LRRC8D: variants seen among roughly 807,000 people sequenced by gnomAD.
The protein encoded by LRRC8D is leucine rich repeat containing 8 VRAC subunit D, also known as volume-regulated anion channel subunit LRRC8D.
In LRRC8D, 20 loss-of-function variants were observed where a neutral mutation model predicts 55.8. The ratio of observed to expected loss-of-function variants is 0.36; its 90% CI spans 0.25 to 0.52. The LOEUF (loss-of-function observed/expected upper bound fraction) is 0.52. Ranked by LOEUF, LRRC8D falls within the 20% of genes least tolerant of loss-of-function variation. LRRC8D has a pLI of 0.93. For synonymous variants in LRRC8D, 352 were observed against 377.0 expected (o/e 0.93, Z 0.77); for missense variants, 651 against 1,030.8 (o/e 0.63, Z 5.05).
chr1:89,845,853 C>T (rs1332145202), intron 2 of LRRC8D, among the ~76,000 whole-genome samples: 4 of 151,974 alleles, frequency 2.6e-5, no homozygotes, highest in African/African-American at 9.7e-5. Flanking sequence ...GCGATCTTGG[C>T]TTACCACAAC....
intron 2 of LRRC8D, among the ~76,000 whole-genome samples, chr1:89,880,297 T>C (rs1662250239): frequency 6.6e-6 from 1 of 151,538 alleles, no homozygotes; most frequent in Non-Finnish European, 1.5e-5. Flanking sequence ...AATTTGACTT[T>C]CCAGATTCAT....
intron 2 of LRRC8D, among the ~76,000 whole-genome samples, chr1:89,917,930 G>A (rs1663315263): frequency 6.6e-6 from 1 of 151,948 alleles, no homozygotes; most frequent in Non-Finnish European, 1.5e-5. Context: ...TACACAACTC[G>A]GTGAATATTT....
At position 89,908,873 on chromosome 1, in the gene LRRC8D, T is replaced by C. The variant is rs1663060548; in HGVS notation, c.-2-24194T>C. On this transcript the variant is annotated intron_variant, in intron 2 of 2. Coordinates refer to ENST00000337338, the MANE Select transcript of LRRC8D (RefSeq NM_001134479.2). ...AAGGATGATAAATCCAGCTGCTGCT[T>C]CCTGTTTCTATAATTTGGGGATTTA... Among the ~76,000 whole-genome samples, 4 of 152,186 alleles carry C rather than the reference T, an allele frequency of 2.6e-5. No homozygotes were observed. The South Asian group carries it at 6.2e-4, about 24-fold the overall frequency.
chr1:89,821,366 C>T (rs142841224), intron 1 of LRRC8D, 75 bp downstream of exon 1: 2 of 152,246 alleles, frequency 1.3e-5, no homozygotes, highest in Non-Finnish European at 2.9e-5. Flanking sequence ...CGCGCCGAGC[C>T]GGAGCGCGCA....
intron 1 of LRRC8D, among the ~76,000 whole-genome samples, chr1:89,831,428 T>TA (rs1353900114): frequency 1.3e-5 from 2 of 151,652 alleles, no homozygotes; most frequent in Admixed American, 1.3e-4. Context: ...GAGAAATAGG[T>TA]AGAGTATGAA....
At chr1:89,855,255 C>T (rs1661525369) in intron 2 of LRRC8D, among the ~76,000 whole-genome samples, 1 of 152,134 alleles carries the variant, frequency 6.6e-6, no homozygotes, top group Admixed American at 6.5e-5. Flanking sequence ...TGAAGGATTT[C>T]ATCACTCTTC....
At chr1:89,885,068 A>G (rs1160827737) in intron 2 of LRRC8D, among the ~76,000 whole-genome samples, 1 of 152,204 alleles carries the variant, frequency 6.6e-6, no homozygotes, top group Non-Finnish European at 1.5e-5. Context: ...ATGACTATAC[A>G]TTCTAAACCT....
intron 2 of LRRC8D, among the ~76,000 whole-genome samples, chr1:89,932,121 C>T (rs1029624155): frequency 6.6e-6 from 1 of 152,132 alleles, no homozygotes; most frequent in Non-Finnish European, 1.5e-5. Flanking sequence ...AAACTAGTTC[C>T]GTGCTATAAA....
chr1:89,853,527 C>T (rs1169294289), intron 2 of LRRC8D, among the ~76,000 whole-genome samples: 1 of 152,102 alleles, frequency 6.6e-6, no homozygotes, highest in African/African-American at 2.4e-5. Flanking sequence ...ATTGAGTACC[C>T]GGTGCTTTTT....
chr1:89,859,952 T>G (rs1661658764), intron 2 of LRRC8D, among the ~76,000 whole-genome samples: 1 of 152,238 alleles, frequency 6.6e-6, no homozygotes, highest in African/African-American at 2.4e-5. Context: ...AACTTAACTC[T>G]AGATGAAGAA....
At position 89,854,062 on chromosome 1, in the gene LRRC8D, T is replaced by C. The variant is rs958502396; in HGVS notation, c.-3+10280T>C. ...GCCAAGTTCTAGAGCACAAGCATAC[T>C]CAAAGGGGTTGTTATAAAAGGGAAT... is the stretch of plus-strand genomic sequence containing the variant. On this transcript the variant is annotated intron_variant, in intron 2 of 2. Coordinates refer to ENST00000337338, the MANE Select transcript of LRRC8D (RefSeq NM_001134479.2). 2.6e-5 allele frequency among the ~76,000 whole-genome samples: 4 copies of C among 152,124 alleles called. No homozygotes were observed. The East Asian group carries it at 7.7e-4, about 29-fold the overall frequency.
At chr1:89,852,622 T>TAA (rs1432007238) in intron 2 of LRRC8D, among the ~76,000 whole-genome samples, 1 of 152,200 alleles carries the variant, frequency 6.6e-6, no homozygotes, top group East Asian at 1.9e-4. Flanking sequence ...TATAGCAATA[T>TAA]ATTGTGACGA....
intron 2 of LRRC8D, among the ~76,000 whole-genome samples, chr1:89,884,570 C>T (rs748004512): frequency 4.6e-5 from 7 of 152,164 alleles, no homozygotes; most frequent in Non-Finnish European, 1.0e-4. Context: ...ATTGGGGAAG[C>T]GATAGAGTGG....
chr1:89,888,873 A>T (rs1373914618), intron 2 of LRRC8D, among the ~76,000 whole-genome samples: 1 of 152,256 alleles, frequency 6.6e-6, no homozygotes, highest in Non-Finnish European at 1.5e-5. Context: ...ATATGTACCC[A>T]TCCTGATATA....
At position 89,935,510 on chromosome 1, in the gene LRRC8D, A is replaced by C. The variant is rs1455763198; in HGVS notation, c.2442A>C (p.Pro814=). ...AGGGGAACTGCTTGGACCGCCTGCC[A>C]GCCCAGCTGGGCCAGTGTCGGATGC... ...ELKGNCLDRL[P]AQLGQCRMLK... is the part of the protein sequence containing the mutation. Residue 814 remains proline (P), a synonymous_variant, in exon 3 of 3, where the codon CCA becomes CCC. Transcript: ENST00000337338. 1 of 1,614,260 alleles carries C rather than the reference A, an allele frequency of 6.2e-7. No homozygotes were observed. The highest frequency in any genetic ancestry group is 1.7e-5 in the Admixed American group (1 of 60,032).
At chr1:89,821,709 G>C (rs1385015425) in intron 1 of LRRC8D, among the ~76,000 whole-genome samples, 1 of 152,112 alleles carries the variant, frequency 6.6e-6, no homozygotes, top group Non-Finnish European at 1.5e-5. Context: ...GTCTGGCCTT[G>C]CTGGCCCGGC....
intron 2 of LRRC8D, among the ~76,000 whole-genome samples, chr1:89,861,505 T>C (rs530674241): frequency 1.3e-5 from 2 of 152,382 alleles, no homozygotes; most frequent in South Asian, 4.1e-4. Context: ...CTCTTCTTTA[T>C]TAATACCTGT....
Position 89,865,145 on chromosome 1 carries a change from C to G in LRRC8D, c.-3+21363C>G, listed in dbSNP as rs532514608. 2.9e-4 allele frequency among the ~76,000 whole-genome samples: 44 copies of G among 152,058 alleles called. 1 individual carries two copies. The highest frequency in any genetic ancestry group is 8.5e-4 in the Admixed American group (13 of 15,266). Reference sequence around the variant, plus strand: ...TCTTGTTTCCCACTGTATCCCAATACCCAGCACACAGTAGGATCTCCCGTG... The same window carrying G: ...TCTTGTTTCCCACTGTATCCCAATAGCCAGCACACAGTAGGATCTCCCGTG... On this transcript the variant is annotated intron_variant, in intron 2 of 2. Coordinates refer to ENST00000337338, the MANE Select transcript of LRRC8D (RefSeq NM_001134479.2).
chr1:89,927,609 A>C (rs1372084419), intron 2 of LRRC8D, among the ~76,000 whole-genome samples: 1 of 152,222 alleles, frequency 6.6e-6, no homozygotes, highest in African/African-American at 2.4e-5. Context: ...ATTTTAGTAG[A>C]TAATACTAAA....
Sources: gnomAD v4.1 joint callset for allele counts (sites outside exome capture counted in the v4.1 genomes callset) on GRCh38, gnomAD v4.1.1 for gene constraint, MANE v1.5 for transcripts, NCBI Gene and HGNC (gene_info 2026-07-23, HGNC 2026-07-21) for gene names.